ZNF536: variants seen among roughly 807,000 people sequenced by gnomAD.
ZNF536 encodes the protein zinc finger protein 536.
A neutral mutation model predicts 84.5 loss-of-function variants in ZNF536; 13 were observed. The observed-to-expected ratio is 0.15, with a 90% CI of 0.10 to 0.24. The LOEUF (loss-of-function observed/expected upper bound fraction) is 0.24, where lower values mean the gene tolerates loss of function less well. ZNF536 is among the 10% of genes least tolerant of loss of function. The pLI is 1.00. For synonymous variants in ZNF536, 811 were observed against 742.5 expected, an observed-to-expected ratio of 1.09 and a Z score of -1.50; for missense variants, 1,536 against 1,747.5, an observed-to-expected ratio of 0.88 and a Z score of 2.16.
At chr19:30,478,254 T>C (rs1198834551) in intron 2 of ZNF536, among the ~76,000 whole-genome samples, 1 of 151,896 alleles carries the variant, frequency 6.6e-6, no homozygotes, top group Non-Finnish European at 1.5e-5. Context: ...TGATTTAATC[T>C]AAACTTCCTG....
intron 1 of ZNF536, among the ~76,000 whole-genome samples, chr19:30,700,201 C>CTTCCTTCTTTCT (rs1400524271): frequency 8.9e-4 from 74 of 82,766 alleles, no homozygotes; most frequent in African/African-American, 2.4e-3. Flanking sequence ...TCTTTCTTTC[C>CTTCCTTCTTTCT]TTCTTTCTTT....
At chr19:30,593,517 G>T (rs1438073420) in intron 1 of ZNF536, among the ~76,000 whole-genome samples, 1 of 152,138 alleles carries the variant, frequency 6.6e-6, no homozygotes, top group East Asian at 1.9e-4. Flanking sequence ...TTCTGAAATG[G>T]AGCATTTCCT....
At position 30,593,554 on chromosome 19, in the gene ZNF536, C is replaced by T. The variant is rs146294909; in HGVS notation, c.169+44040C>T. Among the ~76,000 whole-genome samples the T allele has an allele frequency of 1.3e-3, 201 of 152,298 alleles. 2 individuals are homozygous for T. Among genetic ancestry groups the T allele is most frequent in the African/African-American group, 4.6e-3 (193 of 41,568 alleles). The stretch of plus-strand genomic sequence containing the variant: ...AAAAGGTAGGCAGGCCCAGCACACC[C>T]GGCTGTGACTCTTTGGCAAAGCAAA... On this transcript the variant is annotated intron_variant, in intron 1 of 1. Transcript: ENST00000592773.
intron 1 of ZNF536, among the ~76,000 whole-genome samples, chr19:30,591,944 G>A (rs2047290676): frequency 6.6e-6 from 1 of 152,038 alleles, no homozygotes; most frequent in South Asian, 2.1e-4. Flanking sequence ...GAAATCTTTT[G>A]AATATTTATA....
intron 2 of ZNF536, among the ~76,000 whole-genome samples, chr19:30,508,966 C>T (rs970906180): frequency 6.6e-6 from 1 of 150,858 alleles, no homozygotes; most frequent in Admixed American, 6.6e-5. Context: ...TATCTGGGAG[C>T]ACAGTTGTGT....
intron 1 of ZNF536, among the ~76,000 whole-genome samples, chr19:30,430,135 A>T (rs1317125500): frequency 1.3e-5 from 2 of 151,854 alleles, no homozygotes; most frequent in Non-Finnish European, 2.9e-5. Context: ...TAGTGACCAA[A>T]CTTCTCACCT....
At chr19:30,416,971 T>C (rs1029009522) in intron 1 of ZNF536, among the ~76,000 whole-genome samples, 1 of 151,790 alleles carries the variant, frequency 6.6e-6, no homozygotes, top group Non-Finnish European at 1.5e-5. Context: ...CCCATCTATA[T>C]TATTTCTTTC....
intron 1 of ZNF536, among the ~76,000 whole-genome samples, chr19:30,634,070 T>C (rs905022456): frequency 5.3e-5 from 8 of 152,212 alleles, no homozygotes; most frequent in African/African-American, 1.9e-4. Flanking sequence ...GAGCTCAGGC[T>C]GCAGGAAGGT....
Position 30,390,908 on chromosome 19 carries a change from C to T in ZNF536, c.-3+18352C>T, listed in dbSNP as rs371490604. Among the ~76,000 whole-genome samples, 5 of 152,316 alleles carry T rather than the reference C, an allele frequency of 3.3e-5. No homozygotes were observed. In the East Asian group the frequency reaches 9.6e-4, roughly 29 times the overall value. On this transcript the variant is annotated intron_variant, in intron 1 of 4. Coordinates refer to ENST00000355537, the MANE Select transcript of ZNF536 (RefSeq NM_014717.3). ...TTCCAATGTCAGAATAAACAGAAAT[C>T]CCCACTTGAGAGTGTTATGAATCTT...
At chr19:30,305,157 A>G (rs754654150) in intron 2 of ZNF536, among the ~76,000 whole-genome samples, 2 of 152,086 alleles carry the variant, frequency 1.3e-5, no homozygotes, top group Non-Finnish European at 2.9e-5. Flanking sequence ...GGTTTTCCCA[A>G]ATGGACTGGA....
At chr19:30,332,801 C>T (rs575728556) in intron 2 of ZNF536, among the ~76,000 whole-genome samples, 9 of 152,278 alleles carry the variant, frequency 5.9e-5, no homozygotes, top group Non-Finnish European at 1.2e-4. Flanking sequence ...TTTCTGCTGC[C>T]CTGGTGTGGT....
At chr19:30,381,702 C>G (rs1035366565) in intron 1 of ZNF536, among the ~76,000 whole-genome samples, 1 of 152,154 alleles carries the variant, frequency 6.6e-6, no homozygotes, top group Non-Finnish European at 1.5e-5. Flanking sequence ...CCATAGGAAG[C>G]CTCAAAGGGT....
In ZNF536 at chr19:30,417,148, A is replaced by ATTTTTT. The variant is rs71173904; in HGVS notation, c.-2-26390_-2-26385dup. ...GCCACCACGCCAGGCTAATTTTTGT[A>ATTTTTT]TTTTTTTTTTTTTTTTTTTTTTTTT... On this transcript the variant is annotated intron_variant, in intron 1 of 4. Coordinates refer to ENST00000355537, the MANE Select transcript of ZNF536 (RefSeq NM_014717.3). Among the ~76,000 whole-genome samples the ATTTTTT allele has an allele frequency of 7.9e-3, 788 of 99,958 alleles. 49 individuals are homozygous for ATTTTTT. The East Asian group carries it at 0.094, about 12-fold the overall frequency. 65.6% of individuals were successfully genotyped at this position (99,958 alleles called of 152,430 possible). A position where few individuals can be genotyped will look rare whatever the true frequency, so the allele number is the denominator to read the frequency against.
At chr19:30,396,935 C>G (rs1181290309) in intron 1 of ZNF536, among the ~76,000 whole-genome samples, 1 of 152,156 alleles carries the variant, frequency 6.6e-6, no homozygotes, top group Non-Finnish European at 1.5e-5. Context: ...GGCTTCCTGA[C>G]CTCAGGCCAG....
chr19:30,615,402 A>G (rs924349044), intron 1 of ZNF536, among the ~76,000 whole-genome samples: 1 of 152,142 alleles, frequency 6.6e-6, no homozygotes, highest in Non-Finnish European at 1.5e-5. Flanking sequence ...TATCCCACTC[A>G]TTTAAAAGCC....
chr19:30,290,242 A>G (rs1045809882), intron 2 of ZNF536, among the ~76,000 whole-genome samples: 4 of 152,218 alleles, frequency 2.6e-5, no homozygotes, highest in Admixed American at 6.5e-5. Flanking sequence ...TCTGCTATAC[A>G]GTATGTATAT....
intron 1 of ZNF536, among the ~76,000 whole-genome samples, chr19:30,245,470 G>A (rs918957321): frequency 6.6e-6 from 1 of 152,206 alleles, no homozygotes; most frequent in Admixed American, 6.5e-5. Flanking sequence ...TGTTTTGTAA[G>A]AATGTTACTT....
chr19:30,343,263 C>A (rs1456260297), intron 2 of ZNF536, among the ~76,000 whole-genome samples: 1 of 152,224 alleles, frequency 6.6e-6, no homozygotes, highest in Non-Finnish European at 1.5e-5. Flanking sequence ...TTCATACCCT[C>A]ATTTTGTGCC....
At chr19:30,645,059 T>C (rs989500309) in intron 1 of ZNF536, among the ~76,000 whole-genome samples, 4 of 152,246 alleles carry the variant, frequency 2.6e-5, no homozygotes, top group African/African-American at 9.6e-5. Flanking sequence ...TGATGGTCGT[T>C]CTAACTGGTG....
Sources: allele counts gnomAD v4.1 joint callset (sites outside exome capture counted in the v4.1 genomes callset), GRCh38; gene constraint gnomAD v4.1.1; transcripts MANE v1.5; gene names NCBI Gene and HGNC (gene_info 2026-07-23, HGNC 2026-07-21).